CERS6: variants seen among roughly 807,000 people sequenced by gnomAD.
CERS6 encodes the protein ceramide synthase 6.
CERS6 carries 26 observed loss-of-function variants against 56.8 expected under a neutral mutation model. The ratio of observed to expected loss-of-function variants is 0.46; its 90% CI spans 0.34 to 0.63. The LOEUF is 0.63. Ranked by LOEUF, CERS6 falls within the 30% of genes least tolerant of loss-of-function variation. The probability of loss-of-function intolerance (pLI) is 0.01; values close to 1 mark genes in which losing one functional copy is unlikely to be tolerated. For missense variants in CERS6, 415 were observed against 467.5 expected, an observed-to-expected ratio of 0.89 and a Z score of 1.04; for synonymous variants, 164 against 173.3, an observed-to-expected ratio of 0.95 and a Z score of 0.42.
intron 3 of CERS6, among the ~76,000 whole-genome samples, chr2:168,566,990 T>G (rs1327324531): frequency 6.6e-6 from 1 of 152,188 alleles, no homozygotes; most frequent in African/African-American, 2.4e-5. Flanking sequence ...AAGGGGGGAA[T>G]AAGAAACTAT....
At chr2:168,646,594 C>T (rs555860994) in intron 4 of CERS6, among the ~76,000 whole-genome samples, 65 of 152,266 alleles carry the variant, frequency 4.3e-4, no homozygotes, top group Admixed American at 1.1e-3. Flanking sequence ...TTGGTATCTT[C>T]GTCATGAAAT....
intron 8 of CERS6, among the ~76,000 whole-genome samples, chr2:168,759,898 T>G (rs1474584870): frequency 3.4e-5 from 5 of 146,256 alleles, no homozygotes; most frequent in Non-Finnish European, 7.5e-5. Flanking sequence ...GTTGTGTGTG[T>G]TTTTTTTTGT....
chr2:168,561,373 A>C, intron 3 of CERS6, 51 bp downstream of exon 3: 7 of 1,605,940 alleles, frequency 4.4e-6, no homozygotes, highest in Non-Finnish European at 6.0e-6. Flanking sequence ...ACTCATGCCA[A>C]CCCTGAGGTG....
At chr2:168,683,325 G>A (rs978609543) in intron 4 of CERS6, among the ~76,000 whole-genome samples, 5 of 152,014 alleles carry the variant, frequency 3.3e-5, no homozygotes, top group Admixed American at 6.6e-5. Context: ...ATTCTGTCTA[G>A]CTTTAATCTG....
intron 1 of CERS6, among the ~76,000 whole-genome samples, chr2:168,523,723 A>C (rs959115524): frequency 7.9e-5 from 12 of 152,178 alleles, no homozygotes; most frequent in Non-Finnish European, 1.2e-4. Flanking sequence ...AGGTTCAAGA[A>C]AATCTTGGAG....
At chr2:168,474,913 A>G (rs1346597740) in intron 1 of CERS6, among the ~76,000 whole-genome samples, 4 of 152,286 alleles carry the variant, frequency 2.6e-5, no homozygotes, top group East Asian at 3.9e-4. Context: ...GCTTCCTAAT[A>G]ATTTATTATC....
chr2:168,512,758 C>T (rs1694811865), intron 1 of CERS6, among the ~76,000 whole-genome samples: 1 of 151,090 alleles, frequency 6.6e-6, no homozygotes, highest in Admixed American at 6.6e-5. Context: ...ACCTCCGCCT[C>T]CCAGGTTCAA....
At chr2:168,730,151 G>A (rs1476168638) in intron 8 of CERS6, among the ~76,000 whole-genome samples, 1 of 152,206 alleles carries the variant, frequency 6.6e-6, no homozygotes, top group Non-Finnish European at 1.5e-5. Context: ...AAAAGCAGGA[G>A]CATCCCAGCC....
At chr2:168,518,591 C>T (rs888833765) in intron 1 of CERS6, among the ~76,000 whole-genome samples, 10 of 152,072 alleles carry the variant, frequency 6.6e-5, no homozygotes, top group African/African-American at 2.4e-4. Context: ...ACTGGCGTCT[C>T]CCAGGCTCAG....
At chr2:168,528,251 C>T (rs561635065) in intron 1 of CERS6, among the ~76,000 whole-genome samples, 1 of 152,322 alleles carries the variant, frequency 6.6e-6, no homozygotes, top group East Asian at 1.9e-4. Context: ...AGCTGTTCTA[C>T]ACCCAGCAGG....
intron 9 of CERS6, chr2:168,766,289 T>C: frequency 1.3e-6 from 2 of 1,594,818 alleles, no homozygotes; most frequent in Admixed American, 1.7e-5. Flanking sequence ...ATTTTCTTAC[T>C]TGTTTGTTCT....
intron 8 of CERS6, among the ~76,000 whole-genome samples, chr2:168,726,988 C>CA (rs1187034918): frequency 4.6e-5 from 7 of 152,294 alleles, no homozygotes; most frequent in Middle Eastern, 6.8e-3. Flanking sequence ...GCCATATTCT[C>CA]ACAAATCCCA....
chr2:168,710,259 T>C (rs968841643), intron 6 of CERS6, among the ~76,000 whole-genome samples: 11 of 152,230 alleles, frequency 7.2e-5, no homozygotes, highest in Non-Finnish European at 1.6e-4. Flanking sequence ...AAAATGGTAC[T>C]AATCCTCCAT....
intron 6 of CERS6, among the ~76,000 whole-genome samples, chr2:168,712,434 G>A (rs1194057767): frequency 6.6e-6 from 1 of 152,180 alleles, no homozygotes; most frequent in African/African-American, 2.4e-5. Flanking sequence ...AGTAGTATTA[G>A]AGAGTACTTA....
At chr2:168,661,039 G>A (rs1372720875) in intron 4 of CERS6, among the ~76,000 whole-genome samples, 1 of 152,052 alleles carries the variant, frequency 6.6e-6, no homozygotes, top group Non-Finnish European at 1.5e-5. Context: ...GTGGCAGCGG[G>A]GAGCAGAGAG....
chr2:168,664,210 A>T (rs145800541), intron 4 of CERS6, among the ~76,000 whole-genome samples: 143 of 152,266 alleles, frequency 9.4e-4, no homozygotes, highest in African/African-American at 3.3e-3. Context: ...AATAACATAC[A>T]TGAGAAGTGT....
intron 8 of CERS6, among the ~76,000 whole-genome samples, chr2:168,745,483 C>T (rs560052344): frequency 1.3e-5 from 2 of 152,150 alleles, no homozygotes; most frequent in South Asian, 4.2e-4. Context: ...CCTTGTGATC[C>T]GCCCATCTCG....
rs375982623 is a variant in CERS6, at chr2:168,635,890, T to C, written c.465+4848T>C. Among the ~76,000 whole-genome samples, 6 of 152,312 alleles carry C rather than the reference T, an allele frequency of 3.9e-5. No homozygotes were observed. The South Asian group carries it at 6.2e-4, about 16-fold the overall frequency. ...TTCCCTGGTTTCATACTTTGAGATGTTCTCTTTTGTTTATTGCTTAGTTCG... is the reference window on the plus strand; with the variant it reads ...TTCCCTGGTTTCATACTTTGAGATGCTCTCTTTTGTTTATTGCTTAGTTCG... On this transcript the variant is annotated intron_variant, in intron 4 of 9. Transcript: ENST00000305747.
rs114791643 is a variant in CERS6 at position 168,761,436 on chromosome 2, C to T, written c.846-4156C>T. Among the ~76,000 whole-genome samples, 744 of 152,312 alleles carry T rather than the reference C, an allele frequency of 4.9e-3. 4 individuals are homozygous for T. The highest frequency in any genetic ancestry group is 8.5e-3 in the Non-Finnish European group (581 of 68,026). On this transcript the variant is annotated intron_variant, in intron 8 of 9. Transcript: ENST00000305747. ...GCGAGAAAGCTTCTCAGTCTATAAT[C>T]CAGCAAAGGTTAACTTATAATGAAT...
Sources: allele counts gnomAD v4.1 joint callset (sites outside exome capture counted in the v4.1 genomes callset), GRCh38; gene constraint gnomAD v4.1.1; transcripts MANE v1.5; gene names NCBI Gene and HGNC (gene_info 2026-07-23, HGNC 2026-07-21).